The following AKT3 variants were observed in gnomAD, a reference collection of about 807,000 sequenced individuals.
AKT3 encodes the protein AKT serine/threonine kinase 3.
In AKT3, 15 loss-of-function variants were observed where a neutral mutation model predicts 65.3. The ratio of observed to expected loss-of-function variants is 0.23; its 90% CI spans 0.15 to 0.35. The LOEUF (loss-of-function observed/expected upper bound fraction) is 0.35, where lower values mean the gene tolerates loss of function less well. AKT3 is among the 10% of genes least tolerant of loss of function. The pLI, the probability that AKT3 is intolerant of heterozygous loss-of-function variation, is 1.00. For missense variants in AKT3, 243 were observed against 576.5 expected (o/e 0.42, Z 5.92); for synonymous variants, 206 against 183.8 (o/e 1.12, Z -0.98).
intron 2 of AKT3, among the ~76,000 whole-genome samples, chr1:243,768,586 C>T (rs1572312997): frequency 6.6e-6 from 1 of 152,168 alleles, no homozygotes; most frequent in East Asian, 1.9e-4. Flanking sequence ...GCCTGTAATC[C>T]CAGCACTTTG....
intron 8 of AKT3, among the ~76,000 whole-genome samples, chr1:243,589,232 G>A (rs1676029057): frequency 6.7e-6 from 1 of 148,568 alleles, no homozygotes; most frequent in South Asian, 2.1e-4. Flanking sequence ...CTTGAACCCG[G>A]GAGGCAGAGG....
intron 12 of AKT3, among the ~76,000 whole-genome samples, chr1:243,527,956 GAGAA>G (rs1671269813): frequency 6.7e-6 from 1 of 148,542 alleles, no homozygotes; most frequent in Non-Finnish European, 1.5e-5. Flanking sequence ...GAGAGAGAGA[GAGAA>G]TTTGAGGCCT....
chr1:243,700,274 T>G (rs1467829252), intron 2 of AKT3, among the ~76,000 whole-genome samples: 1 of 152,164 alleles, frequency 6.6e-6, no homozygotes, highest in African/African-American at 2.4e-5. Context: ...GAATCCTACT[T>G]GTAAATTATG....
In AKT3 at chr1:243,502,008, G is replaced by A. The variant is rs1044955892; in HGVS notation, c.*3241C>T. On this transcript the variant is annotated 3_prime_UTR_variant, in exon 14 of 14. Transcript: ENST00000673466. ...CTTAAAATCCTTAACCAGATGACTA[G>A]ATCTTGCGCAGATCTAATGAAAGAA... is the stretch of plus-strand genomic sequence containing the variant. 9 of 232,556 alleles carry A rather than the reference G, an allele frequency of 3.9e-5. No homozygotes were observed. Among genetic ancestry groups the A allele is most frequent in the Non-Finnish European group, 6.8e-5 (8 of 117,740 alleles). The allele number at this position is 232,556 out of a possible 1,614,324, so 14.4% of individuals were successfully genotyped here.
chr1:243,658,233 G>A (rs1309952207), intron 4 of AKT3, among the ~76,000 whole-genome samples: 3 of 152,060 alleles, frequency 2.0e-5, no homozygotes, highest in African/African-American at 7.2e-5. Context: ...AATGTATAGG[G>A]AACTCCTATA....
chr1:243,748,080 A>G (rs1438709851), intron 2 of AKT3, among the ~76,000 whole-genome samples: 5 of 150,790 alleles, frequency 3.3e-5, no homozygotes, highest in Admixed American at 2.6e-4. Flanking sequence ...ATACACAAAC[A>G]TAAATATATC....
intron 2 of AKT3, among the ~76,000 whole-genome samples, chr1:243,759,270 G>GTGAGCTAT (rs1179002721): frequency 6.6e-6 from 1 of 151,842 alleles, no homozygotes; most frequent in Non-Finnish European, 1.5e-5. Flanking sequence ...AGCTATGATC[G>GTGAGCTAT]GACCACTGCA....
At chr1:243,524,515 G>T (rs974608090) in intron 12 of AKT3, among the ~76,000 whole-genome samples, 6 of 152,204 alleles carry the variant, frequency 3.9e-5, no homozygotes, top group South Asian at 2.1e-4. Flanking sequence ...AAAAGAGAAG[G>T]GGAACAGCCA....
chr1:243,666,560 C>T (rs1682796912), intron 3 of AKT3, among the ~76,000 whole-genome samples: 1 of 152,130 alleles, frequency 6.6e-6, no homozygotes, highest in Non-Finnish European at 1.5e-5. Flanking sequence ...TTCATTCCTC[C>T]TCCTGGCTTT....
At chr1:243,612,646 A>T (rs1031864348) in intron 8 of AKT3, 1 of 154,612 alleles carries the variant, frequency 6.5e-6, no homozygotes, top group Admixed American at 6.5e-5. Context: ...ATTGACTGTG[A>T]TCAAAACCAA....
intron 3 of AKT3, among the ~76,000 whole-genome samples, chr1:243,670,731 C>T (rs1351410528): frequency 6.6e-6 from 1 of 152,134 alleles, no homozygotes; most frequent in Admixed American, 6.5e-5. Flanking sequence ...TTATTTGTTA[C>T]ACTGTTACTT....
intron 11 of AKT3, among the ~76,000 whole-genome samples, chr1:243,552,255 C>T (rs192243986): frequency 1.6e-5 from 2 of 128,680 alleles, no homozygotes; most frequent in East Asian, 4.5e-4. Flanking sequence ...CGCCACTGCA[C>T]TCCAGCCTGG....
At chr1:243,757,446 C>T (rs1572288663) in intron 2 of AKT3, among the ~76,000 whole-genome samples, 1 of 152,040 alleles carries the variant, frequency 6.6e-6, no homozygotes, top group African/African-American at 2.4e-5. Flanking sequence ...GGTGAAACCC[C>T]ATCTCTACTA....
chr1:243,541,478 C>A (rs980613216), intron 12 of AKT3, among the ~76,000 whole-genome samples: 1 of 151,956 alleles, frequency 6.6e-6, no homozygotes, highest in East Asian at 1.9e-4. Flanking sequence ...AAATTCTCCA[C>A]GCTCATCTTT....
At chr1:243,497,347 G>GGT (rs1558558649), downstream of AKT3, among the ~76,000 whole-genome samples, 3 of 137,038 alleles carry the variant, frequency 2.2e-5, no homozygotes, top group Non-Finnish European at 3.2e-5. Flanking sequence ...TGGGGGGGGG[G>GGT]GCGTTGAGCA....
intron 3 of AKT3, among the ~76,000 whole-genome samples, chr1:243,680,986 C>T (rs1449322805): frequency 3.3e-5 from 5 of 152,124 alleles, no homozygotes; most frequent in African/African-American, 1.2e-4. Flanking sequence ...ATTGCCCACA[C>T]TGGAAAACCT....
chr1:243,646,474 C>T (rs1680826896), intron 4 of AKT3, among the ~76,000 whole-genome samples: 1 of 152,024 alleles, frequency 6.6e-6, no homozygotes, highest in Non-Finnish European at 1.5e-5. Flanking sequence ...CCTGTCTCAG[C>T]CTCCTGAGTA....
intron 10 of AKT3, among the ~76,000 whole-genome samples, chr1:243,555,163 A>T (rs576426832): frequency 6.6e-6 from 1 of 152,166 alleles, no homozygotes; most frequent in Non-Finnish European, 1.5e-5. Flanking sequence ...CTTTGTATTG[A>T]ACAAAACTGA....
intron 8 of AKT3, among the ~76,000 whole-genome samples, chr1:243,595,826 T>C (rs934374038): frequency 1.3e-5 from 2 of 152,188 alleles, no homozygotes; most frequent in African/African-American, 4.8e-5. Context: ...GTTTTACAGT[T>C]ACCTATTTTT....
Sources: gnomAD v4.1 joint callset for allele counts (sites outside exome capture counted in the v4.1 genomes callset) on GRCh38, gnomAD v4.1.1 for gene constraint, MANE v1.5 for transcripts, NCBI Gene and HGNC (gene_info 2026-07-23, HGNC 2026-07-21) for gene names.